Variants in VRK2 observed in about 807,000 individuals in gnomAD.
VRK2 encodes the protein VRK serine/threonine kinase 2, also known as serine/threonine-protein kinase VRK2.
Under a neutral mutation model 57.6 loss-of-function variants are expected in VRK2, and 60 were observed. The observed-to-expected ratio is 1.04, with a 90% CI of 0.85 to 1.29. The LOEUF (loss-of-function observed/expected upper bound fraction) is 1.29. VRK2 is among the 50% of genes most tolerant of loss of function. VRK2 has a pLI of 0.00. For missense variants in VRK2, 705 were observed against 588.1 expected, an observed-to-expected ratio of 1.20 and a Z score of -2.06; for synonymous variants, 231 against 199.2, an observed-to-expected ratio of 1.16 and a Z score of -1.35.
chr2:58,120,184 C>CTTTTCTTTTTTTTTTTTTTTTTTTT (rs1677217985), intron 7 of VRK2, among the ~76,000 whole-genome samples: 1 of 51,988 alleles, frequency 1.9e-5, no homozygotes, highest in Non-Finnish European at 3.2e-5. Flanking sequence ...TTTTTCTTTT[C>CTTTTCTTTTTTTTTTTTTTTTTTTT]TTTTTTTTTT....
At chr2:58,023,418 A>T (rs998304162) in intron 1 of VRK2, among the ~76,000 whole-genome samples, 1 of 152,064 alleles carries the variant, frequency 6.6e-6, no homozygotes, top group Admixed American at 6.6e-5. Flanking sequence ...TCTCCATTCA[A>T]TTGTCAATGG....
At chr2:58,101,620 ACTTTCT>A (rs1016435885) in intron 7 of VRK2, among the ~76,000 whole-genome samples, 8 of 151,512 alleles carry the variant, frequency 5.3e-5, no homozygotes, top group African/African-American at 1.2e-4. Context: ...TCTGTGCCAC[ACTTTCT>A]CTTTCTATAA....
At chr2:58,042,816 T>A (rs1674514596), upstream of VRK2, among the ~76,000 whole-genome samples, 1 of 152,200 alleles carries the variant, frequency 6.6e-6, no homozygotes, top group Non-Finnish European at 1.5e-5. Flanking sequence ...TCCCCATATT[T>A]TTTTTCTGAT....
intron 1 of VRK2, among the ~76,000 whole-genome samples, chr2:58,008,576 C>T (rs956626980): frequency 5.3e-5 from 8 of 151,526 alleles, no homozygotes; most frequent in South Asian, 2.1e-4. Flanking sequence ...AGGAAACTAA[C>T]AATCTAAGCA....
At chr2:58,111,048 C>T (rs1349668378) in intron 7 of VRK2, among the ~76,000 whole-genome samples, 2 of 152,086 alleles carry the variant, frequency 1.3e-5, no homozygotes, top group Non-Finnish European at 2.9e-5. Flanking sequence ...GGGATTACAC[C>T]TCAGTGGCTG....
rs1043269163 is a variant in VRK2 at position 57,993,881 on chromosome 2, CAG to C, written c.-438-31783_-438-31782del. ...CCCTAATGAAAAGCTAGCCTGGAGA[CAG>C]GGGCAGGTTGGAGGGTAAATTTCAA... On this transcript the variant is annotated intron_variant, in intron 1 of 15. Transcript: ENST00000417641. Among the ~76,000 whole-genome samples the C allele has an allele frequency of 3.3e-5, 5 of 152,154 alleles. No individual in the cohort carries two copies. The East Asian group carries it at 7.7e-4, about 23-fold the overall frequency.
intron 2 of VRK2, among the ~76,000 whole-genome samples, chr2:58,065,345 T>G (rs1314868141): frequency 6.6e-6 from 1 of 152,116 alleles, no homozygotes; most frequent in Non-Finnish European, 1.5e-5. Context: ...ATGTGGCTTT[T>G]GGGGAATGTA....
chr2:58,122,023 A>G (rs1209826483), intron 7 of VRK2, among the ~76,000 whole-genome samples: 1 of 152,222 alleles, frequency 6.6e-6, no homozygotes, highest in Non-Finnish European at 1.5e-5. Context: ...GACTTTTAAC[A>G]ATCTGTATTC....
chr2:57,972,215 A>G (rs1214621418), intron 1 of VRK2, among the ~76,000 whole-genome samples: 1 of 147,186 alleles, frequency 6.8e-6, no homozygotes, highest in African/African-American at 2.6e-5. Context: ...TAGGCTTTTC[A>G]GTAGATAAAT....
chr2:57,925,035 C>T (rs998904558), intron 1 of VRK2, among the ~76,000 whole-genome samples: 3 of 151,958 alleles, frequency 2.0e-5, no homozygotes, highest in Non-Finnish European at 2.9e-5. Flanking sequence ...TATGTTGCTC[C>T]ATCTTTGCAT....
chr2:58,119,234 A>C (rs144285898), intron 7 of VRK2, among the ~76,000 whole-genome samples: 3,866 of 151,936 alleles, frequency 0.025, 164 homozygotes, highest in African/African-American at 0.089. Flanking sequence ...GCAGTGGCTC[A>C]CGCCTGTAAT....
upstream of VRK2, among the ~76,000 whole-genome samples, chr2:58,044,538 TA>T (rs1674597289): frequency 6.6e-6 from 1 of 152,134 alleles, no homozygotes; most frequent in Admixed American, 6.5e-5. Context: ...AAATAAATAA[TA>T]AACTGTATAA....
intron 1 of VRK2, among the ~76,000 whole-genome samples, chr2:58,009,064 G>T (rs1673340932): frequency 6.6e-6 from 1 of 152,188 alleles, no homozygotes; most frequent in Admixed American, 6.5e-5. Context: ...AGCTCTCATG[G>T]CCTAATGACC....
intron 1 of VRK2, among the ~76,000 whole-genome samples, chr2:57,916,649 C>A (rs748184015): frequency 2.6e-5 from 4 of 152,058 alleles, no homozygotes; most frequent in East Asian, 3.8e-4. Flanking sequence ...CCCTATCTGA[C>A]AAATGAGGAG....
intron 1 of VRK2, among the ~76,000 whole-genome samples, chr2:58,020,904 C>A (rs1673734520): frequency 6.6e-6 from 1 of 152,142 alleles, no homozygotes; most frequent in South Asian, 2.1e-4. Context: ...TGCCATAGAC[C>A]CCTTTGATAG....
chr2:58,103,318 T>C (rs1457910866), intron 7 of VRK2, among the ~76,000 whole-genome samples: 3 of 151,258 alleles, frequency 2.0e-5, no homozygotes, highest in Non-Finnish European at 4.4e-5. Context: ...AAGTTTGTTC[T>C]TTAAAAAGAA....
chr2:58,089,316 G>A lies in VRK2; in HGVS notation c.451-315G>A, dbSNP rs532114445. On this transcript the variant is annotated intron_variant, in intron 6 of 12. Coordinates refer to ENST00000340157, the MANE Select transcript of VRK2 (RefSeq NM_006296.7). ...TTTCACCATAGATCTCTGATTTTAT[G>A]CTATGTTTTTCCTCTTTGTGCAGTG... is the stretch of plus-strand genomic sequence containing the variant. Among the ~76,000 whole-genome samples the A allele has an allele frequency of 8.6e-5, 13 of 152,046 alleles. No homozygotes were observed. In the South Asian group the frequency reaches 2.7e-3, roughly 32 times the overall value.
chr2:57,978,364 A>G (rs1019512162), intron 1 of VRK2, among the ~76,000 whole-genome samples: 2 of 151,120 alleles, frequency 1.3e-5, no homozygotes, highest in Non-Finnish European at 2.9e-5. Flanking sequence ...ATAATGCTTT[A>G]CTTTCGATTT....
intron 1 of VRK2, chr2:58,048,444 AT>A: frequency 1.3e-6 from 1 of 742,978 alleles, no homozygotes. Context: ...AACATTTTAC[AT>A]TCTCAGTGAC....
Sources: gnomAD v4.1 joint callset for allele counts (sites outside exome capture counted in the v4.1 genomes callset) on GRCh38, gnomAD v4.1.1 for gene constraint, MANE v1.5 for transcripts, NCBI Gene and HGNC (gene_info 2026-07-23, HGNC 2026-07-21) for gene names.